Variants in AP3B1 observed in about 807,000 individuals in gnomAD.
AP3B1 encodes the protein adaptor related protein complex 3 subunit beta 1.
In AP3B1, 61 loss-of-function variants were observed where a neutral mutation model predicts 132.5. The ratio of observed to expected loss-of-function variants is 0.46; its 90% CI spans 0.37 to 0.57. The LOEUF is 0.57. Among genes scored for constraint, AP3B1 ranks in the 20% least tolerant of loss-of-function variants. The pLI is 0.00. For synonymous variants in AP3B1, 388 were observed against 438.3 expected, an observed-to-expected ratio of 0.89 and a Z score of 1.43; for missense variants, 1,120 against 1,289.4, an observed-to-expected ratio of 0.87 and a Z score of 2.01.
At chr5:78,164,544 T>C (rs534743423) in intron 12 of AP3B1, among the ~76,000 whole-genome samples, 2 of 152,132 alleles carry the variant, frequency 1.3e-5, no homozygotes, top group South Asian at 4.1e-4. Context: ...CAAAGACCAA[T>C]ACTTTAAATA....
At chr5:78,207,086 C>T (rs535981688) in intron 7 of AP3B1, among the ~76,000 whole-genome samples, 150 of 151,804 alleles carry the variant, frequency 9.9e-4, no homozygotes, top group Middle Eastern at 3.4e-3. Flanking sequence ...GGTGAAACCC[C>T]GTCTCTACCA....
intron 24 of AP3B1, among the ~76,000 whole-genome samples, chr5:78,022,001 G>A (rs1747123917): frequency 6.6e-6 from 1 of 152,046 alleles, no homozygotes; most frequent in South Asian, 2.1e-4. Context: ...CTAAACATTA[G>A]GTTAAGAAAC....
intron 21 of AP3B1, among the ~76,000 whole-genome samples, chr5:78,099,362 G>T (rs118021332): frequency 6.6e-6 from 1 of 152,322 alleles, no homozygotes; most frequent in East Asian, 1.9e-4. Flanking sequence ...AACAGCAGTA[G>T]AAAGGCCCTT....
At chr5:78,137,399 A>G (rs140750438) in intron 15 of AP3B1, among the ~76,000 whole-genome samples, 1 of 152,178 alleles carries the variant, frequency 6.6e-6, no homozygotes, top group African/African-American at 2.4e-5. Context: ...ATTCTCCCAC[A>G]CTGACTCTCT....
Position 78,227,361 on chromosome 5 carries a change from A to C in AP3B1, c.536+11T>G, listed in dbSNP as rs747774183. On this transcript the variant is annotated intron_variant, in intron 5 of 26. Coordinates refer to ENST00000255194, the MANE Select transcript of AP3B1 (RefSeq NM_003664.5). ...CAGAGATCTTTGGTATATTGTTAAC[A>C]ATGCACCTACCTGTATAATTTTTGT... 2 of 1,612,392 alleles carry C rather than the reference A, an allele frequency of 1.2e-6. No homozygotes were observed. Among genetic ancestry groups the C allele is most frequent in the Non-Finnish European group, 1.7e-6 (2 of 1,178,774 alleles).
At chr5:78,227,958 C>T (rs1200497792) in intron 4 of AP3B1, among the ~76,000 whole-genome samples, 186 bp downstream of exon 4, 2 of 152,000 alleles carry the variant, frequency 1.3e-5, no homozygotes, top group Non-Finnish European at 2.9e-5. Flanking sequence ...GTAACATATA[C>T]AGCAAGGTTT....
At chr5:78,026,923 T>C (rs940278168) in intron 24 of AP3B1, among the ~76,000 whole-genome samples, 2 of 152,222 alleles carry the variant, frequency 1.3e-5, no homozygotes, top group Non-Finnish European at 2.9e-5. Context: ...TATTTTCTTG[T>C]AAATTGCCTA....
chr5:78,171,901 G>A (rs1214036819), intron 11 of AP3B1, among the ~76,000 whole-genome samples: 1 of 152,144 alleles, frequency 6.6e-6, no homozygotes, highest in African/African-American at 2.4e-5. Flanking sequence ...TTATTATTTT[G>A]AGATACATTC....
intron 21 of AP3B1, among the ~76,000 whole-genome samples, chr5:78,092,591 C>T (rs1470408255): frequency 6.6e-6 from 1 of 152,100 alleles, no homozygotes; most frequent in Non-Finnish European, 1.5e-5. Context: ...GGTGAAGGTA[C>T]AAGGAATATA....
chr5:78,240,168 T>C (rs1043155449), intron 3 of AP3B1, among the ~76,000 whole-genome samples: 7 of 152,236 alleles, frequency 4.6e-5, no homozygotes, highest in African/African-American at 1.7e-4. Flanking sequence ...ATGAGCTTCA[T>C]CATCTGCCAA....
chr5:78,109,090 A>T (rs1389709968), intron 20 of AP3B1, among the ~76,000 whole-genome samples: 2 of 152,188 alleles, frequency 1.3e-5, no homozygotes, highest in Non-Finnish European at 2.9e-5. Context: ...ACTAAGTGAT[A>T]AGTTTTTATA....
Position 78,228,244 on chromosome 5 carries a change from T to TAAA in AP3B1, c.280-8_280-6dup. On this transcript the variant is annotated splice_polypyrimidine_tract_variant and splice_region_variant and intron_variant, in intron 3 of 26. Transcript: ENST00000255194. ...AACATATACCAACTTCTTGATCTGT[T>TAAA]AAAAAAAAATCATTTATTCATAACC... The TAAA allele has an allele frequency of 6.4e-7, 1 of 1,560,080 alleles. No individual in the cohort carries two copies. Among genetic ancestry groups the TAAA allele is most frequent in the Non-Finnish European group, 8.8e-7 (1 of 1,141,904 alleles).
intron 22 of AP3B1, among the ~76,000 whole-genome samples, chr5:78,055,956 A>G (rs1204196733): frequency 6.6e-6 from 1 of 152,210 alleles, no homozygotes; most frequent in African/African-American, 2.4e-5. Context: ...TGAATGCTAC[A>G]TCACAGGGGA....
chr5:78,166,326 A>G (rs1743629422), intron 11 of AP3B1, among the ~76,000 whole-genome samples: 1 of 152,172 alleles, frequency 6.6e-6, no homozygotes, highest in African/African-American at 2.4e-5. Context: ...TGTCTGCCCA[A>G]TACAAACTTA....
chr5:78,268,779 A>G (rs1748435433), intron 1 of AP3B1, among the ~76,000 whole-genome samples: 1 of 152,194 alleles, frequency 6.6e-6, no homozygotes, highest in East Asian at 1.9e-4. Context: ...TTAACAGAAA[A>G]GCTAGTCTTC....
chr5:78,033,401 T>A (rs1421220025), intron 24 of AP3B1, among the ~76,000 whole-genome samples: 1 of 152,074 alleles, frequency 6.6e-6, no homozygotes, highest in Non-Finnish European at 1.5e-5. Context: ...CATTGCAGGT[T>A]CTCGGCAATA....
At chr5:78,215,857 C>T (rs1369491797) in intron 7 of AP3B1, among the ~76,000 whole-genome samples, 198 bp downstream of exon 7, 1 of 152,156 alleles carries the variant, frequency 6.6e-6, no homozygotes, top group African/African-American at 2.4e-5. Context: ...AAATATGTAT[C>T]AATCAGTGCC....
intron 1 of AP3B1, among the ~76,000 whole-genome samples, chr5:78,281,515 C>T (rs1749056733): frequency 6.7e-6 from 1 of 148,942 alleles, no homozygotes; most frequent in Non-Finnish European, 1.5e-5. Context: ...GACTGACTAA[C>T]TTATTTCCAT....
chr5:78,070,266 G>T (rs1240494187), intron 22 of AP3B1, among the ~76,000 whole-genome samples: 2 of 152,006 alleles, frequency 1.3e-5, no homozygotes, highest in African/African-American at 2.4e-5. Flanking sequence ...AATTAGCCAG[G>T]TATCGTGGTG....
Sources: allele counts gnomAD v4.1 joint callset (sites outside exome capture counted in the v4.1 genomes callset), GRCh38; gene constraint gnomAD v4.1.1; transcripts MANE v1.5; gene names NCBI Gene and HGNC (gene_info 2026-07-23, HGNC 2026-07-21).